ABCC6: variants seen among roughly 807,000 people sequenced by gnomAD.
The protein encoded by ABCC6 is ATP binding cassette subfamily C member 6, also known as ATP-binding cassette sub-family C member 6.
A neutral mutation model predicts 169.5 loss-of-function variants in ABCC6; 126 were observed. That is an observed-to-expected ratio of 0.74 (90% CI 0.64 to 0.86). The LOEUF (loss-of-function observed/expected upper bound fraction) is 0.86. ABCC6 is among the 40% of genes least tolerant of loss of function. ABCC6 has a pLI of 0.00. For synonymous variants in ABCC6, 752 were observed against 814.7 expected, an observed-to-expected ratio of 0.92 and a Z score of 1.31; for missense variants, 1,733 against 1,927.2, an observed-to-expected ratio of 0.90 and a Z score of 1.89.
intron 10 of ABCC6, among the ~76,000 whole-genome samples, chr16:16,193,589 C>A (rs1047248688): frequency 1.3e-5 from 2 of 152,140 alleles, no homozygotes; most frequent in African/African-American, 2.4e-5. Flanking sequence ...TGGTGGGCAC[C>A]TGTGATCCCA....
Position 16,177,505 on chromosome 16 carries a change from GC to G in ABCC6, c.2536del (p.Ala846ProfsTer85). The G allele has an allele frequency of 6.2e-7, 1 of 1,613,990 alleles. No homozygotes were observed. The highest frequency in any genetic ancestry group is 1.3e-5 in the African/African-American group (1 of 75,054). ...GGCTTGATCCAGAAGACACATGAGG[GC>G]CCCCTTCCTCTGCAGAAGCTCCTGG... ...SYQELLQRKG[A>X]LMCLLDQARQ... is the part of the protein sequence containing the mutation. On this transcript the variant is annotated frameshift_variant, in exon 19 of 31. Coordinates refer to ENST00000205557, the MANE Select transcript of ABCC6 (RefSeq NM_001171.6). LOFTEE classifies it high-confidence loss of function.
rs755495593 is a variant in ABCC6, at chr16:16,201,998, C to T, written c.1176+3G>A. The T allele has an allele frequency of 1.2e-5, 20 of 1,613,998 alleles. No individual in the cohort carries two copies. The South Asian group carries it at 1.5e-4, about 12-fold the overall frequency. On this transcript the variant is annotated splice_donor_region_variant and intron_variant, in intron 9 of 30. Transcript: ENST00000205557. Reference sequence around the variant, plus strand: ...AGACCTGCCCTTGTCCCCCAGGGCTCACCTTTCTGTACACCAGGCCAGTGA... The same window carrying T: ...AGACCTGCCCTTGTCCCCCAGGGCTTACCTTTCTGTACACCAGGCCAGTGA...
chr16:16,184,515 G>A (rs770742191), intron 15 of ABCC6, among the ~76,000 whole-genome samples: 3 of 152,194 alleles, frequency 2.0e-5, no homozygotes, highest in Admixed American at 1.3e-4. Flanking sequence ...TTCTTAGGGA[G>A]TTTCAGGGCT....
Position 16,165,927 on chromosome 16 carries a change from C to T in ABCC6, c.3002G>A (p.Gly1001Glu). Residue 1001 changes from glycine to glutamate, a missense_variant, in exon 23 of 31, where the codon GGG becomes GAG. Transcript: ENST00000205557. ...CACCGCAGCCATGGAGGCAAACAGC[C>T]CAATGGCTGGGGAGGGAGAGGAGGT... ...FGLLGCLQAI[G>E]LFASMAAVLL... The T allele has an allele frequency of 1.2e-6, 2 of 1,612,906 alleles. No homozygotes were observed. The highest frequency in any genetic ancestry group is 1.7e-6 in the Non-Finnish European group (2 of 1,179,944).
At chr16:16,189,174 GAC>G (rs1465126134) in intron 12 of ABCC6, among the ~76,000 whole-genome samples, 200 bp from the exon 13 acceptor site, 1 of 152,220 alleles carries the variant, frequency 6.6e-6, no homozygotes, top group Non-Finnish European at 1.5e-5. Context: ...TCTCTCTAAA[GAC>G]ACAGCGCATT....
chr16:16,163,180 C>A lies in ABCC6; in HGVS notation c.3319G>T (p.Val1107Phe). 6.2e-7 allele frequency: 1 copy of A among 1,613,418 alleles called. No individual in the cohort carries two copies. The highest frequency in any genetic ancestry group is 8.5e-7 in the Non-Finnish European group (1 of 1,180,006). Reference sequence around the variant, plus strand: ...AAGCGTCTCAGCTGGCATGAGCTAACCACATACAGGCTCTGAGAAGGATGG... The same window carrying A: ...AAGCGTCTCAGCTGGCATGAGCTAAACACATACAGGCTCTGAGAAGGATGG... Reference protein sequence around the residue: ...LYAGFQSLYVVSSCQLRRLES... With the variant: ...LYAGFQSLYVFSSCQLRRLES... The change falls in exon 24 of 31, where the codon GTT becomes TTT. Residue 1107 changes from valine to phenylalanine, a missense_variant. Physicochemically the swap from Val to Phe is conservative, Grantham distance 50. Coordinates refer to ENST00000205557, the MANE Select transcript of ABCC6 (RefSeq NM_001171.6).
Position 16,202,037 on chromosome 16 carries a change from C to T in ABCC6, c.1140G>A (p.Arg380=). Residue 380 remains arginine (R), a synonymous_variant, in exon 9 of 31, where the codon AGG becomes AGA. Coordinates refer to ENST00000205557, the MANE Select transcript of ABCC6 (RefSeq NM_001171.6). ...CCAGGCCAGTGATGGCCGACCGCAA[C>T]CTCATCTGCAGCACCTTGAGCCTGT... ...NMYRLKVLQM[R]LRSAITGLVY... 6.2e-7 allele frequency: 1 copy of T among 1,614,014 alleles called. No individual in the cohort carries two copies. The highest frequency in any genetic ancestry group is 2.2e-5 in the East Asian group (1 of 44,890).
chr16:16,150,374 A>T (rs1167704936), intron 30 of ABCC6, 133 bp from the exon 31 acceptor site: 23 of 1,536,838 alleles, frequency 1.5e-5, no homozygotes, highest in Non-Finnish European at 2.0e-5. Flanking sequence ...CCTGGCCCTC[A>T]CAGCTGGGTT....
chr16:16,191,502 CGG>C, intron 11 of ABCC6, among the ~76,000 whole-genome samples: 1 of 152,256 alleles, frequency 6.6e-6, no homozygotes, highest in Admixed American at 6.5e-5. Flanking sequence ...AGGTGACAGA[CGG>C]ACACTGGGAC....
Position 16,182,397 on chromosome 16 carries a change from C to T in ABCC6, c.2247+15G>A, listed in dbSNP as rs758426754. ...GCAATGTCTCCCTGTCCCAAAAAGACCCCCAAACTCTCACCTGCTCCCCAA... is the reference window on the plus strand; with the variant it reads ...GCAATGTCTCCCTGTCCCAAAAAGATCCCCAAACTCTCACCTGCTCCCCAA... On this transcript the variant is annotated intron_variant, in intron 17 of 30. Coordinates refer to ENST00000205557, the MANE Select transcript of ABCC6 (RefSeq NM_001171.6). 2.2e-5 allele frequency: 35 copies of T among 1,613,218 alleles called. No individual in the cohort carries two copies. In the South Asian group the frequency reaches 3.8e-4, roughly 18 times the overall value.
intron 24 of ABCC6, among the ~76,000 whole-genome samples, chr16:16,162,094 C>CTTT (rs2046739615): frequency 1.3e-5 from 2 of 152,148 alleles, no homozygotes; most frequent in Admixed American, 6.5e-5. Flanking sequence ...CTTCCCTTTC[C>CTTT]ACCATGATTG....
chr16:16,210,822 G>A (rs188944888), intron 6 of ABCC6, among the ~76,000 whole-genome samples: 4 of 152,200 alleles, frequency 2.6e-5, no homozygotes, highest in South Asian at 4.2e-4. Flanking sequence ...GGCCGGGTGC[G>A]GTGGCTTATG....
At position 16,175,898 on chromosome 16, in the gene ABCC6, A is replaced by G. The variant is rs746578899; in HGVS notation, c.2666+13T>C. 2 of 1,614,030 alleles carry G rather than the reference A, an allele frequency of 1.2e-6. No homozygotes were observed. The highest frequency in any genetic ancestry group is 1.7e-6 in the Non-Finnish European group (2 of 1,180,000). ...CCTGTGCCCTTCTGAGTGTGGCACC[A>G]TGGTGGACTCACCTCTCGCGTCTAA... On this transcript the variant is annotated intron_variant, in intron 20 of 30. Coordinates refer to ENST00000205557, the MANE Select transcript of ABCC6 (RefSeq NM_001171.6).
At chr16:16,150,924 C>A in intron 29 of ABCC6, 152 bp from the exon 30 acceptor site, 1 of 1,472,744 alleles carries the variant, frequency 6.8e-7, no homozygotes, top group Non-Finnish European at 9.2e-7. Flanking sequence ...CTGTGGTCTG[C>A]AGAACTGATA....
rs570982183 is a variant in ABCC6, at chr16:16,162,971, T to A, written c.3506+22A>T. The A allele has an allele frequency of 1.4e-5, 23 of 1,613,972 alleles. No individual in the cohort carries two copies. The South Asian group carries it at 2.3e-4, about 16-fold the overall frequency. On this transcript the variant is annotated intron_variant, in intron 24 of 30. Coordinates refer to ENST00000205557, the MANE Select transcript of ABCC6 (RefSeq NM_001171.6). ...AGGATATGGATGAATTGCAAGGTCT[T>A]CTCTGCCCTGGCTCTTCCTACCTGT...
chr16:16,161,462 G>A lies in ABCC6; in HGVS notation c.3609C>T (p.Gly1203=). ...SKAHLSAGLV[G]FSVSAALQVT... ...CCTGGAGGGCAGCAGAGACAGAGAA[G>A]CCCACGAGGCCAGCACTGAGGTGGG... The change falls in exon 25 of 31, where the codon GGC becomes GGT. Residue 1203 remains glycine (G), a synonymous_variant. Coordinates refer to ENST00000205557, the MANE Select transcript of ABCC6 (RefSeq NM_001171.6). The A allele has an allele frequency of 6.2e-7, 1 of 1,613,932 alleles. No individual in the cohort carries two copies. The highest frequency in any genetic ancestry group is 8.5e-7 in the Non-Finnish European group (1 of 1,180,024).
At chr16:16,220,093 A>G (rs2049024921) in intron 2 of ABCC6, 146 bp from the exon 3 acceptor site, 5 of 670,996 alleles carry the variant, frequency 7.5e-6, no homozygotes, top group Non-Finnish European at 1.3e-5. Context: ...GCAACGTGCC[A>G]ATGTGAACAA....
At chr16:16,192,013 G>A (rs2047877940) in intron 11 of ABCC6, among the ~76,000 whole-genome samples, 1 of 152,140 alleles carries the variant, frequency 6.6e-6, no homozygotes, top group Non-Finnish European at 1.5e-5. Flanking sequence ...GCTGTGGGGG[G>A]AAAAAAGCAA....
rs2046362329 is a variant in ABCC6 at position 16,150,718 on chromosome 16, C to A, written c.4263G>T (p.Gln1421His). The part of the protein sequence containing the change: ...CLARALLRKT[Q>H]ILILDEATAA... ...CAGTAGCCTCGTCCAGGATGAGGAT[C>A]TGGGTCTTCCGGAGAAGGGCACGTG... is the stretch of plus-strand genomic sequence containing the variant. Residue 1421 changes from glutamine to histidine, a missense_variant, in exon 30 of 31, where the codon CAG becomes CAT. Physicochemically the swap from Gln to His is conservative, Grantham distance 24. Transcript: ENST00000205557. The A allele has an allele frequency of 6.2e-7, 1 of 1,613,984 alleles. No homozygotes were observed. The highest frequency in any genetic ancestry group is 1.1e-5 in the South Asian group (1 of 91,052).
Sources: allele counts gnomAD v4.1 joint callset (sites outside exome capture counted in the v4.1 genomes callset), GRCh38; gene constraint gnomAD v4.1.1; transcripts MANE v1.5; gene names NCBI Gene and HGNC (gene_info 2026-07-23, HGNC 2026-07-21).